Variants in DIP2B observed in about 807,000 individuals in gnomAD.
DIP2B encodes DIP2 acetate--CoA ligase B (putative).
Under a neutral mutation model 198.0 loss-of-function variants are expected in DIP2B, and 76 were observed. That is an observed-to-expected ratio of 0.38 (90% confidence interval 0.32 to 0.46). The LOEUF (loss-of-function observed/expected upper bound fraction) is 0.46, where lower values mean the gene tolerates loss of function less well. Ranked by LOEUF, DIP2B falls within the 20% of genes least tolerant of loss-of-function variation. The probability of loss-of-function intolerance (pLI) is 0.99; values close to 1 mark genes in which losing one functional copy is unlikely to be tolerated. For synonymous variants in DIP2B, 701 were observed against 739.1 expected (o/e 0.95, Z 0.84); for missense variants, 1,559 against 1,978.4 (o/e 0.79, Z 4.02).
intron 1 of DIP2B, among the ~76,000 whole-genome samples, chr12:50,572,556 A>G (rs1958623804): frequency 6.6e-6 from 1 of 152,210 alleles, no homozygotes; most frequent in Non-Finnish European, 1.5e-5. Flanking sequence ...GGGATAAGAA[A>G]ATGAACAAAA....
intron 1 of DIP2B, among the ~76,000 whole-genome samples, chr12:50,560,875 G>A (rs530485796): frequency 4.9e-4 from 74 of 152,296 alleles, no homozygotes; most frequent in South Asian, 1.7e-3. Flanking sequence ...ATAAAATTTA[G>A]TGGTTTAATT....
intron 30 of DIP2B, among the ~76,000 whole-genome samples, chr12:50,729,794 G>T (rs1040814060): frequency 2.6e-4 from 39 of 149,036 alleles, no homozygotes; most frequent in African/African-American, 9.2e-4. Context: ...CAGTGGTGCA[G>T]TCTCGGCTCA....
chr12:50,712,561 G>A (rs1174821772), intron 22 of DIP2B, among the ~76,000 whole-genome samples: 3 of 151,462 alleles, frequency 2.0e-5, no homozygotes, highest in African/African-American at 4.9e-5. Flanking sequence ...CCGAGATTGC[G>A]CCACTGCACT....
At chr12:50,718,468 G>A (rs952061875) in intron 23 of DIP2B, among the ~76,000 whole-genome samples, 3 of 152,050 alleles carry the variant, frequency 2.0e-5, no homozygotes, top group Non-Finnish European at 2.9e-5. Context: ...TTGTTTGTTT[G>A]GTTTTTTTCC....
At chr12:50,716,377 A>G (rs1219223321) in intron 23 of DIP2B, among the ~76,000 whole-genome samples, 1 of 152,108 alleles carries the variant, frequency 6.6e-6, no homozygotes, top group East Asian at 1.9e-4. Flanking sequence ...ATTTCACACA[A>G]AAAAGTTGCC....
rs774308364 is a variant in DIP2B, at chr12:50,724,874, A to G, written c.3388A>G (p.Ile1130Val). Residue 1130 changes from isoleucine (I) to valine (V), a missense_variant, in exon 28 of 38, where the codon ATC (isoleucine) becomes GTC (valine). By Grantham distance (29) the Ile-to-Val change is conservative. Coordinates refer to ENST00000301180, the MANE Select transcript of DIP2B (RefSeq NM_173602.3). ...AAVDVKTWPT[I>V]IDTDDLPRKR... is the part of the protein sequence containing the mutation. Reference sequence around the variant, plus strand: ...TGTGGATGTGAAAACCTGGCCAACCATCATTGACACAGGTGAAAGGGAGAC... The same window carrying G: ...TGTGGATGTGAAAACCTGGCCAACCGTCATTGACACAGGTGAAAGGGAGAC... The G allele has an allele frequency of 8.1e-6, 13 of 1,614,046 alleles. No homozygotes were observed. The African/African-American group carries it at 1.2e-4, about 15-fold the overall frequency.
At chr12:50,703,215 T>C (rs533950586) in intron 19 of DIP2B, among the ~76,000 whole-genome samples, 8 of 151,054 alleles carry the variant, frequency 5.3e-5, no homozygotes, top group African/African-American at 1.9e-4. Flanking sequence ...AAAGTGAGAC[T>C]ATATCTCATT....
At chr12:50,667,149 C>T (rs1322062502) in intron 4 of DIP2B, among the ~76,000 whole-genome samples, 1 of 152,082 alleles carries the variant, frequency 6.6e-6, no homozygotes, top group African/African-American at 2.4e-5. Context: ...GGATTACAGG[C>T]GTGAGACAAT....
intron 1 of DIP2B, among the ~76,000 whole-genome samples, chr12:50,521,094 G>GTTTTTTTTTTTTTTTT (rs386376482): frequency 2.1e-5 from 2 of 94,332 alleles, no homozygotes; most frequent in Non-Finnish European, 2.0e-5. Flanking sequence ...TTCAGCAACA[G>GTTTTTTTTTTTTTTTT]TTTTTTTTTT....
intron 1 of DIP2B, among the ~76,000 whole-genome samples, chr12:50,608,782 C>A (rs1464063205): frequency 6.6e-6 from 1 of 151,924 alleles, no homozygotes; most frequent in African/African-American, 2.4e-5. Flanking sequence ...AGAAGTAAAC[C>A]ATATTTACTT....
chr12:50,651,662 C>A (rs1240203544), intron 3 of DIP2B, among the ~76,000 whole-genome samples: 1 of 138,124 alleles, frequency 7.2e-6, no homozygotes, highest in Non-Finnish European at 1.7e-5. Flanking sequence ...TTTCCGGGCT[C>A]TCTATTGTTC....
chr12:50,515,786 A>G (rs1008756785), intron 1 of DIP2B, among the ~76,000 whole-genome samples: 5 of 152,168 alleles, frequency 3.3e-5, no homozygotes, highest in African/African-American at 1.2e-4. Flanking sequence ...TGTAGCCCTG[A>G]CTTGCCTCTG....
chr12:50,505,996 T>C (rs893922025), intron 1 of DIP2B, among the ~76,000 whole-genome samples: 2 of 150,708 alleles, frequency 1.3e-5, no homozygotes, highest in African/African-American at 2.4e-5. Flanking sequence ...CTTTTGACAA[T>C]GGATTGGGAC....
At chr12:50,621,066 G>A (rs1937802795) in intron 1 of DIP2B, among the ~76,000 whole-genome samples, 1 of 152,230 alleles carries the variant, frequency 6.6e-6, no homozygotes, top group Non-Finnish European at 1.5e-5. Flanking sequence ...TTCCTTGGGA[G>A]AATCTTAAAA....
chr12:50,653,306 T>C (rs1253442134), intron 3 of DIP2B, among the ~76,000 whole-genome samples: 2 of 151,104 alleles, frequency 1.3e-5, no homozygotes, highest in Admixed American at 6.6e-5. Context: ...TGCCAGGTAA[T>C]GATTCATAGT....
chr12:50,652,945 G>GT (rs34937091), intron 3 of DIP2B, among the ~76,000 whole-genome samples: 48,988 of 145,200 alleles, frequency 0.34, 8,123 homozygotes, highest in South Asian at 0.4. Flanking sequence ...AAACACAACT[G>GT]TTTTTTTTTT....
At position 50,748,537 on chromosome 12, in the gene DIP2B, TTTTA is replaced by T. The variant is rs1316835564; in HGVS notation, c.*3706_*3709del. ...TACTGTGTAATTATGTATAAAGTTT[TTTTA>T]TTTATTTGAAGTTAGACTAGATATA... On this transcript the variant is annotated 3_prime_UTR_variant, in exon 38 of 38. Transcript: ENST00000301180. 6.5e-6 allele frequency: 1 copy of T among 152,684 alleles called. No individual in the cohort carries two copies. Among genetic ancestry groups the T allele is most frequent in the Non-Finnish European group, 1.5e-5 (1 of 68,050 alleles). 9.5% of individuals were successfully genotyped at this position (152,684 alleles called of 1,614,324 possible). A position where few individuals can be genotyped will look rare whatever the true frequency, so the allele number is the denominator to read the frequency against.
In DIP2B at chr12:50,653,694, C is replaced by T. The variant is rs1938503290; in HGVS notation, c.302-6500C>T. 2.0e-5 allele frequency among the ~76,000 whole-genome samples: 3 copies of T among 151,962 alleles called. No homozygotes were observed. In the South Asian group the frequency reaches 6.2e-4, roughly 32 times the overall value. ...CTGAGGCATCCAGTTGTAATGTCTC[C>T]TCTTTTATTTCTTATTTTAGTTATT... On this transcript the variant is annotated intron_variant, in intron 3 of 37. Coordinates refer to ENST00000301180, the MANE Select transcript of DIP2B (RefSeq NM_173602.3).
At chr12:50,657,656 T>G (rs1426552585) in intron 3 of DIP2B, among the ~76,000 whole-genome samples, 11 of 152,046 alleles carry the variant, frequency 7.2e-5, no homozygotes, top group Admixed American at 7.2e-4. Context: ...GACAACAAAT[T>G]ATTTCTATGG....
Sources: gnomAD v4.1 joint callset for allele counts (sites outside exome capture counted in the v4.1 genomes callset) on GRCh38, gnomAD v4.1.1 for gene constraint, MANE v1.5 for transcripts, NCBI Gene and HGNC (gene_info 2026-07-23, HGNC 2026-07-21) for gene names.